Variants in PI4KA observed in about 807,000 individuals in gnomAD.
PI4KA encodes phosphatidylinositol 4-kinase alpha.
Under a neutral mutation model 271.4 loss-of-function variants are expected in PI4KA, and 122 were observed. The ratio of observed to expected loss-of-function variants is 0.45; its 90% CI spans 0.39 to 0.52. The LOEUF (loss-of-function observed/expected upper bound fraction) is 0.52. Ranked by LOEUF, PI4KA falls within the 20% of genes least tolerant of loss-of-function variation. The pLI is 0.00. For missense variants in PI4KA, 1,969 were observed against 2,769.1 expected (o/e 0.71, Z 6.48); for synonymous variants, 1,041 against 1,078.8 (o/e 0.96, Z 0.69).
Position 20,744,630 on chromosome 22 carries a change from C to T in PI4KA, c.3454G>A (p.Glu1152Lys), listed in dbSNP as rs1351749039. ...GGGCGCAAGGACAAGAGAAGCACCT[C>T]GCCCGCGTAGCGGTTGCGCAGATTC... ...SLNLRNRYAG[E>K]VYGMIRFSGT... The change falls in exon 30 of 55, where the codon GAG becomes AAG. Residue 1152 changes from glutamate to lysine, a missense_variant and splice_region_variant. Coordinates refer to ENST00000255882, the MANE Select transcript of PI4KA (RefSeq NM_058004.4). 4 of 1,612,906 alleles carry T rather than the reference C, an allele frequency of 2.5e-6. No individual in the cohort carries two copies. The highest frequency in any genetic ancestry group is 1.1e-5 in the South Asian group (1 of 91,068).
At chr22:20,751,614 C>A in intron 26 of PI4KA, 60 bp downstream of exon 26, 1 of 1,382,944 alleles carries the variant, frequency 7.2e-7, no homozygotes, top group Non-Finnish European at 1.0e-6. Flanking sequence ...GCGGACAGGG[C>A]CGGCGGGGTG....
chr22:20,756,951 T>A (rs1931377674), intron 23 of PI4KA, among the ~76,000 whole-genome samples: 1 of 152,188 alleles, frequency 6.6e-6, no homozygotes, highest in Admixed American at 6.5e-5. Flanking sequence ...AGATTTTTAC[T>A]TTAAAAAGGC....
intron 25 of PI4KA, among the ~76,000 whole-genome samples, chr22:20,752,388 G>A (rs1213027331): frequency 1.3e-5 from 2 of 152,234 alleles, no homozygotes; most frequent in African/African-American, 4.8e-5. Context: ...CAGCCTCCAT[G>A]TGGGTGTTTT....
At chr22:20,751,896 G>A (rs576121917) in intron 25 of PI4KA, 141 bp from the exon 26 acceptor site, 5 of 699,830 alleles carry the variant, frequency 7.1e-6, no homozygotes, top group African/African-American at 1.8e-5. Context: ...CTTGCAGCAG[G>A]ATGCCTGGCC....
chr22:20,762,488 C>A (rs1268191881), intron 22 of PI4KA, among the ~76,000 whole-genome samples: 1 of 152,174 alleles, frequency 6.6e-6, no homozygotes, highest in Non-Finnish European at 1.5e-5. Context: ...GGTGGGCTCA[C>A]AGGAGCTGCT....
chr22:20,751,479 C>A (rs1226887006), intron 26 of PI4KA, 103 bp from the exon 27 acceptor site: 7 of 1,096,698 alleles, frequency 6.4e-6, no homozygotes, highest in Non-Finnish European at 9.5e-6. Context: ...CTGTGACAGG[C>A]CTCCATACTT....
rs781385999 is a variant in PI4KA at position 20,727,768 on chromosome 22, C to T, written c.4773+6G>A. 8 of 1,610,562 alleles carry T rather than the reference C, an allele frequency of 5.0e-6. No homozygotes were observed. The African/African-American group carries it at 1.1e-4, about 22-fold the overall frequency. On this transcript the variant is annotated splice_donor_region_variant and intron_variant, in intron 40 of 54. Transcript: ENST00000255882. ...AACTCAGGCCCTGGTACGTGGGCTA[C>T]ACTACCTTGATTGCTTCAGGCACAT...
At position 20,793,448 on chromosome 22, in the gene PI4KA, C is replaced by T. The variant is rs1934778089; in HGVS notation, c.2278-205G>A. The T allele has an allele frequency of 6.0e-6, 3 of 497,338 alleles. No homozygotes were observed. The South Asian group carries it at 8.7e-5, about 14-fold the overall frequency. 30.8% of individuals were successfully genotyped at this position (497,338 alleles called of 1,614,324 possible). Reference sequence around the variant, plus strand: ...ATGAAAACAAATGTGAAAAATAAACCATGGTTACATAAATGATTACATAAA... The same window carrying T: ...ATGAAAACAAATGTGAAAAATAAACTATGGTTACATAAATGATTACATAAA... On this transcript the variant is annotated intron_variant, in intron 18 of 54. Coordinates refer to ENST00000255882, the MANE Select transcript of PI4KA (RefSeq NM_058004.4).
At chr22:20,766,093 C>T (rs1932500685) in intron 19 of PI4KA, among the ~76,000 whole-genome samples, 1 of 152,182 alleles carries the variant, frequency 6.6e-6, no homozygotes, top group Non-Finnish European at 1.5e-5. Context: ...GCATTAGGTC[C>T]TAAGCCTGGC....
At position 20,781,343 on chromosome 22, in the gene PI4KA, C is replaced by T. The variant is rs374044498; in HGVS notation, c.2328+11850G>A. Among the ~76,000 whole-genome samples, 15 of 152,328 alleles carry T rather than the reference C, an allele frequency of 9.8e-5. No homozygotes were observed. The South Asian group carries it at 2.9e-3, about 29-fold the overall frequency. On this transcript the variant is annotated intron_variant, in intron 19 of 54. Coordinates refer to ENST00000255882, the MANE Select transcript of PI4KA (RefSeq NM_058004.4). ...AATGGTTCGGCTTCAGGACTAATTG[C>T]GGTGACACACAACCACTTCTCTTTG...
At chr22:20,747,784 G>C in intron 28 of PI4KA, 82 bp from the exon 29 acceptor site, 1 of 1,377,224 alleles carries the variant, frequency 7.3e-7, no homozygotes, top group East Asian at 2.3e-5. Flanking sequence ...ACCCAGGCTG[G>C]AGTGTGGTGG....
rs1011208830 is a variant in PI4KA at position 20,775,519 on chromosome 22, C to T, written c.2329-9826G>A. Among the ~76,000 whole-genome samples, 3 of 152,178 alleles carry T rather than the reference C, an allele frequency of 2.0e-5. No homozygotes were observed. The East Asian group carries it at 5.8e-4, about 29-fold the overall frequency. On this transcript the variant is annotated intron_variant, in intron 19 of 54. Coordinates refer to ENST00000255882, the MANE Select transcript of PI4KA (RefSeq NM_058004.4). ...GAATACCGGGATAAAACATGCATGT[C>T]TTTACTCTGCCACTCTATCTGGCCT...
intron 19 of PI4KA, among the ~76,000 whole-genome samples, chr22:20,781,854 C>T (rs1319126925): frequency 1.3e-5 from 2 of 152,238 alleles, no homozygotes; most frequent in African/African-American, 4.8e-5. Context: ...AGTCATTCAA[C>T]ATCTCTATGA....
intron 8 of PI4KA, among the ~76,000 whole-genome samples, chr22:20,812,618 G>A (rs1200827833): frequency 2.6e-5 from 4 of 152,076 alleles, no homozygotes; most frequent in Non-Finnish European, 5.9e-5. Flanking sequence ...GCAGTGCTGC[G>A]ATGTTGACTA....
At chr22:20,733,983 C>A in intron 34 of PI4KA, 60 bp downstream of exon 34, 1 of 1,523,222 alleles carries the variant, frequency 6.6e-7, no homozygotes, top group South Asian at 1.3e-5. Context: ...GATACACAGA[C>A]GCCCCATGAC....
At chr22:20,848,298 A>G (rs1926533776) in intron 1 of PI4KA, among the ~76,000 whole-genome samples, 1 of 152,044 alleles carries the variant, frequency 6.6e-6, no homozygotes, top group Non-Finnish European at 1.5e-5. Flanking sequence ...TAACCTACAA[A>G]TTCAACACCA....
intron 7 of PI4KA, among the ~76,000 whole-genome samples, chr22:20,817,987 T>C (rs776229076): frequency 1.3e-5 from 2 of 151,908 alleles, no homozygotes; most frequent in Non-Finnish European, 2.9e-5. Flanking sequence ...TAGCTGAGCA[T>C]GCTGGTGTGT....
chr22:20,752,789 AT>A (rs1930848844), intron 25 of PI4KA, 113 bp downstream of exon 25: 4 of 1,163,336 alleles, frequency 3.4e-6, no homozygotes, highest in Middle Eastern at 2.5e-4. Context: ...AGGAGTTTTC[AT>A]TCTGACTCCA....
In PI4KA at chr22:20,710,815, G is replaced by T. The variant is rs748134704; in HGVS notation, c.5967C>A (p.Gly1989=). 1 of 1,612,354 alleles carries T rather than the reference G, an allele frequency of 6.2e-7. No homozygotes were observed. Among genetic ancestry groups the T allele is most frequent in the African/African-American group, 1.3e-5 (1 of 74,818 alleles). The change falls in exon 52 of 55, where the codon GGC becomes GGA. Residue 1989 remains glycine (G), a synonymous_variant. Coordinates refer to ENST00000255882, the MANE Select transcript of PI4KA (RefSeq NM_058004.4). ...MFESSPGGNL[G]WEPDIKLTDE... ...CCGTCAGCTTGATGTCGGGTTCCCA[G>T]CCGAGATTGCCGCCCGGCGAGCTTT...
Sources: allele counts gnomAD v4.1 joint callset (sites outside exome capture counted in the v4.1 genomes callset), GRCh38; gene constraint gnomAD v4.1.1; transcripts MANE v1.5; gene names NCBI Gene and HGNC (gene_info 2026-07-23, HGNC 2026-07-21).